The following MAEL variants were observed in gnomAD, a reference collection of about 807,000 sequenced individuals.
MAEL encodes the protein maelstrom spermatogenic transposon silencer, also known as protein maelstrom homolog.
In MAEL, 46 loss-of-function variants were observed where a neutral mutation model predicts 62.0. The observed-to-expected ratio is 0.74, with a 90% confidence interval of 0.59 to 0.95. MAEL has a LOEUF of 0.95. MAEL is among the 40% of genes least tolerant of loss of function. MAEL has a pLI of 0.00. For missense variants in MAEL, 497 were observed against 526.8 expected, an observed-to-expected ratio of 0.94 and a Z score of 0.55; for synonymous variants, 172 against 175.5, an observed-to-expected ratio of 0.98 and a Z score of 0.16.
Position 167,004,231 on chromosome 1 carries a change from A to T in MAEL, c.575A>T (p.Gln192Leu), listed in dbSNP as rs769769598. 6.2e-7 allele frequency: 1 copy of T among 1,609,726 alleles called. No individual in the cohort carries two copies. Among genetic ancestry groups the T allele is most frequent in the Non-Finnish European group, 8.5e-7 (1 of 1,177,786 alleles). Residue 192 changes from glutamine (Q) to leucine (L), a missense_variant, in exon 6 of 12, where the codon CAA becomes CTA. Coordinates refer to ENST00000367872, the MANE Select transcript of MAEL (RefSeq NM_032858.3). ...PISNFERGHN[Q>L]ATVLQNLYRF... is the part of the protein sequence containing the mutation. ...TCAAATTTTGAACGTGGGCATAACC[A>T]AGCAACTGTGTTACAAAACCTTTAT... is the stretch of plus-strand genomic sequence containing the variant.
At chr1:167,008,138 A>G (rs768917448) in intron 8 of MAEL, among the ~76,000 whole-genome samples, 10 of 152,234 alleles carry the variant, frequency 6.6e-5, no homozygotes, top group Admixed American at 1.3e-4. Context: ...AAATATTTAT[A>G]TTGTTGAGTT....
chr1:167,002,604 C>T (rs1208477205), intron 5 of MAEL, among the ~76,000 whole-genome samples: 1 of 152,172 alleles, frequency 6.6e-6, no homozygotes, highest in Non-Finnish European at 1.5e-5. Flanking sequence ...TACCCTAATG[C>T]ATTTTCATGG....
chr1:166,994,688 T>TTTG (rs1664336268), intron 5 of MAEL, among the ~76,000 whole-genome samples: 1 of 149,352 alleles, frequency 6.7e-6, no homozygotes. Flanking sequence ...TTTTTTTTTT[T>TTTG]GAGACGGAGC....
chr1:167,018,596 T>C (rs1042028804), intron 10 of MAEL, among the ~76,000 whole-genome samples: 2 of 152,196 alleles, frequency 1.3e-5, no homozygotes, highest in Non-Finnish European at 2.9e-5. Context: ...TACCAAGGCC[T>C]CCCTGCCTTA....
chr1:167,012,139 T>G (rs1665193866), intron 8 of MAEL, among the ~76,000 whole-genome samples: 1 of 152,222 alleles, frequency 6.6e-6, no homozygotes, highest in Admixed American at 6.5e-5. Flanking sequence ...TAGAATCTGT[T>G]AATATAAGCA....
chr1:166,977,520 T>C (rs1663628285), intron 1 of MAEL, among the ~76,000 whole-genome samples: 1 of 149,288 alleles, frequency 6.7e-6, no homozygotes. Context: ...GCATATACTG[T>C]TTGCACCACA....
chr1:166,987,414 G>C (rs1327686591), upstream of MAEL, among the ~76,000 whole-genome samples: 2 of 152,240 alleles, frequency 1.3e-5, no homozygotes, highest in East Asian at 3.9e-4. Flanking sequence ...CAATTTATCA[G>C]TTCACCTGTT....
chr1:166,992,916 T>C, intron 4 of MAEL, 75 bp downstream of exon 4: 9 of 1,232,920 alleles, frequency 7.3e-6, no homozygotes, highest in Non-Finnish European at 9.8e-6. Context: ...TATTTGATAA[T>C]AGTACTTTTT....
At chr1:167,016,178 A>C in intron 8 of MAEL, 44 bp from the exon 9 acceptor site, 1 of 1,518,396 alleles carries the variant, frequency 6.6e-7, no homozygotes, top group Non-Finnish European at 9.1e-7. Context: ...ACCTTTAAGC[A>C]GTGCTACTTC....
upstream of MAEL, chr1:166,989,036 C>T (rs1248858021): frequency 6.2e-6 from 2 of 320,032 alleles, no homozygotes; most frequent in Non-Finnish European, 1.2e-5. Context: ...TCGCACATTA[C>T]GCAATAATGT....
intron 5 of MAEL, among the ~76,000 whole-genome samples, chr1:167,001,169 A>G (rs1571256753): frequency 2.0e-5 from 3 of 152,314 alleles, no homozygotes; most frequent in African/African-American, 7.2e-5. Context: ...GGAATGGAAA[A>G]CCAAACACAT....
At chr1:166,995,100 T>C (rs1003283146) in intron 5 of MAEL, among the ~76,000 whole-genome samples, 1 of 152,110 alleles carries the variant, frequency 6.6e-6, no homozygotes, top group African/African-American at 2.4e-5. Context: ...CACTGTTCTT[T>C]ATAAATGAAC....
At chr1:167,009,813 G>A (rs984073039) in intron 8 of MAEL, among the ~76,000 whole-genome samples, 1 of 151,994 alleles carries the variant, frequency 6.6e-6, no homozygotes, top group Admixed American at 6.6e-5. Flanking sequence ...TGGGCAGTTG[G>A]TAATTTAGTT....
chr1:167,017,818 C>T lies in MAEL; in HGVS notation c.909-9C>T. 1 of 1,595,328 alleles carries T rather than the reference C, an allele frequency of 6.3e-7. No individual in the cohort carries two copies. Among genetic ancestry groups the T allele is most frequent in the Middle Eastern group, 1.7e-4 (1 of 5,972 alleles). On this transcript the variant is annotated splice_polypyrimidine_tract_variant and intron_variant, in intron 9 of 11. Transcript: ENST00000367872. ...GATTCTGATAGTGAGATTTTTATTT[C>T]TTTTAAAGGTACTGCATCAGTAATT...
upstream of MAEL, among the ~76,000 whole-genome samples, chr1:166,986,370 A>G (rs374214773): frequency 3.9e-5 from 6 of 152,206 alleles, no homozygotes; most frequent in East Asian, 7.7e-4. Flanking sequence ...AAAAAAAGCA[A>G]TGTGAAATTA....
chr1:167,017,377 C>T (rs1193337133), intron 9 of MAEL, among the ~76,000 whole-genome samples: 1 of 152,150 alleles, frequency 6.6e-6, no homozygotes, highest in Non-Finnish European at 1.5e-5. Flanking sequence ...GAACCACTTC[C>T]TTATTGGGGT....
chr1:166,993,314 A>C (rs1441414529), intron 4 of MAEL, among the ~76,000 whole-genome samples: 2 of 152,196 alleles, frequency 1.3e-5, no homozygotes, highest in African/African-American at 4.8e-5. Flanking sequence ...GGAATAGATG[A>C]CAAATATGGA....
intron 5 of MAEL, among the ~76,000 whole-genome samples, chr1:167,002,036 C>T (rs1294570077): frequency 6.6e-6 from 1 of 152,218 alleles, no homozygotes; most frequent in African/African-American, 2.4e-5. Context: ...CCACCTTAGC[C>T]TCCCAAAGTG....
chr1:167,012,130 A>G (rs915235671), intron 8 of MAEL, among the ~76,000 whole-genome samples: 5 of 152,342 alleles, frequency 3.3e-5, no homozygotes, highest in African/African-American at 1.2e-4. Context: ...AGAAACTGTT[A>G]GAATCTGTTA....
Sources: allele counts gnomAD v4.1 joint callset (sites outside exome capture counted in the v4.1 genomes callset), GRCh38; gene constraint gnomAD v4.1.1; transcripts MANE v1.5; gene names NCBI Gene and HGNC (gene_info 2026-07-23, HGNC 2026-07-21).